Variants in RSPO2 observed in about 807,000 individuals in gnomAD.
The protein encoded by RSPO2 is R-spondin-2.
In RSPO2, 14 loss-of-function variants were observed where a neutral mutation model predicts 30.9. The ratio of observed to expected loss-of-function variants is 0.45; its 90% CI spans 0.30 to 0.71. The LOEUF (loss-of-function observed/expected upper bound fraction) is 0.71, where lower values mean the gene tolerates loss of function less well. Among genes scored for constraint, RSPO2 ranks in the 30% least tolerant of loss-of-function variants. The probability of loss-of-function intolerance (pLI) is 0.08; values close to 1 mark genes in which losing one functional copy is unlikely to be tolerated. For synonymous variants in RSPO2, 107 were observed against 96.4 expected (o/e 1.11, Z -0.64); for missense variants, 264 against 301.9 (o/e 0.87, Z 0.93).
chr8:108,048,879 C>T (rs1307638546), intron 2 of RSPO2, among the ~76,000 whole-genome samples: 5 of 152,092 alleles, frequency 3.3e-5, no homozygotes, highest in Admixed American at 6.6e-5. Context: ...TCTTTGTTCC[C>T]ATTGGTTTCA....
intron 2 of RSPO2, among the ~76,000 whole-genome samples, chr8:108,017,080 G>T (rs1422105685): frequency 6.6e-6 from 1 of 150,632 alleles, no homozygotes; most frequent in Non-Finnish European, 1.5e-5. Flanking sequence ...GCAGTGGCGC[G>T]ATCTCGGCTC....
At chr8:108,069,631 T>C (rs989878000) in intron 2 of RSPO2, among the ~76,000 whole-genome samples, 1 of 152,208 alleles carries the variant, frequency 6.6e-6, no homozygotes, top group Admixed American at 6.5e-5. Context: ...ACATCCTAAA[T>C]GTCCTGTTCA....
chr8:107,957,495 C>A (rs1373965004), intron 5 of RSPO2, among the ~76,000 whole-genome samples: 1 of 152,170 alleles, frequency 6.6e-6, no homozygotes, highest in East Asian at 1.9e-4. Context: ...CAAATCAGCA[C>A]AATTACTACA....
chr8:107,918,117 C>G (rs1479973175), intron 5 of RSPO2, among the ~76,000 whole-genome samples: 1 of 152,072 alleles, frequency 6.6e-6, no homozygotes, highest in Admixed American at 6.6e-5. Context: ...GACAAGTAAT[C>G]TTTTTTAAAA....
intron 2 of RSPO2, among the ~76,000 whole-genome samples, chr8:108,045,869 A>C (rs554625487): frequency 6.6e-6 from 1 of 152,292 alleles, no homozygotes; most frequent in Non-Finnish European, 1.5e-5. Flanking sequence ...ATATATCTCC[A>C]ACCACCTATA....
At chr8:107,988,053 GA>G (rs1185960129) in intron 3 of RSPO2, among the ~76,000 whole-genome samples, 1 of 151,914 alleles carries the variant, frequency 6.6e-6, no homozygotes, top group Non-Finnish European at 1.5e-5. Context: ...GTTCCTTAAA[GA>G]AAGGGATGTT....
chr8:107,961,981 AAGGAG>A (rs923810951), intron 3 of RSPO2, among the ~76,000 whole-genome samples: 7 of 152,220 alleles, frequency 4.6e-5, no homozygotes, highest in Non-Finnish European at 2.9e-5. Flanking sequence ...AAGGAAAGTA[AAGGAG>A]AGAAGTTCGC....
chr8:107,990,406 C>G (rs1814808326), intron 2 of RSPO2, among the ~76,000 whole-genome samples: 1 of 152,068 alleles, frequency 6.6e-6, no homozygotes, highest in African/African-American at 2.4e-5. Flanking sequence ...TCCTACACAC[C>G]AACAGCAGTC....
At chr8:108,035,213 T>TA (rs1811552975) in intron 2 of RSPO2, among the ~76,000 whole-genome samples, 1 of 152,226 alleles carries the variant, frequency 6.6e-6, no homozygotes, top group Non-Finnish European at 1.5e-5. Flanking sequence ...TTTGAATTAC[T>TA]GTCTCTTAAA....
chr8:108,010,672 G>A (rs1810675624), intron 2 of RSPO2, among the ~76,000 whole-genome samples: 2 of 152,104 alleles, frequency 1.3e-5, no homozygotes, highest in South Asian at 4.1e-4. Context: ...ATGCAGAAGA[G>A]TGAAGATCAG....
intron 2 of RSPO2, among the ~76,000 whole-genome samples, chr8:108,023,282 G>A (rs1206995674): frequency 6.6e-6 from 1 of 152,060 alleles, no homozygotes; most frequent in African/African-American, 2.4e-5. Context: ...TCCACATTGA[G>A]AAAAATGTCC....
At chr8:108,031,191 T>G (rs77539339) in intron 2 of RSPO2, among the ~76,000 whole-genome samples, 9,060 of 152,280 alleles carry the variant, frequency 0.059, 780 homozygotes, top group African/African-American at 0.19. Context: ...TGTTATAGGC[T>G]TGAACCTACC....
chr8:107,901,222 A>C (rs1162710308), intron 5 of RSPO2, 32 bp from the exon 6 acceptor site: 12 of 1,585,084 alleles, frequency 7.6e-6, no homozygotes, highest in African/African-American at 5.4e-5. Context: ...AAGAGATGTC[A>C]GAAATGGCTC....
chr8:107,911,843 T>C (rs1219912503), intron 5 of RSPO2, among the ~76,000 whole-genome samples: 1 of 152,132 alleles, frequency 6.6e-6, no homozygotes. Flanking sequence ...ATGCCTTTGA[T>C]CTCGTAATCA....
chr8:108,042,307 G>A (rs1161452655), intron 2 of RSPO2, among the ~76,000 whole-genome samples: 2 of 152,118 alleles, frequency 1.3e-5, no homozygotes, highest in African/African-American at 4.8e-5. Context: ...TAACGTGGGG[G>A]AAGACAGCAT....
chr8:108,039,211 C>T (rs1811684181), intron 2 of RSPO2, among the ~76,000 whole-genome samples: 1 of 152,160 alleles, frequency 6.6e-6, no homozygotes, highest in Non-Finnish European at 1.5e-5. Context: ...TACCACAACA[C>T]TTTAATAATC....
chr8:107,995,744 C>A (rs1252886364), intron 2 of RSPO2, among the ~76,000 whole-genome samples: 1 of 151,976 alleles, frequency 6.6e-6, no homozygotes, highest in Non-Finnish European at 1.5e-5. Context: ...TGATTCTGAC[C>A]CTCACCTTTG....
In RSPO2 at chr8:107,899,969, C is replaced by T. The variant is rs1266055347; in HGVS notation, c.*1106G>A. On this transcript the variant is annotated 3_prime_UTR_variant, in exon 6 of 6. Transcript: ENST00000276659. Reference sequence around the variant, plus strand: ...TCATGGTAGTAGCTTCTTCAGTGACCCAAGAACATTGGTAGGTGCCTTGTC... The same window carrying T: ...TCATGGTAGTAGCTTCTTCAGTGACTCAAGAACATTGGTAGGTGCCTTGTC... 1 of 152,102 alleles carries T rather than the reference C, an allele frequency of 6.6e-6. No individual in the cohort carries two copies. The highest frequency in any genetic ancestry group is 2.4e-5 in the African/African-American group (1 of 41,418). The allele number at this position is 152,102 out of a possible 1,614,324, so 9.4% of individuals were successfully genotyped here.
At position 107,960,772 on chromosome 8, in the gene RSPO2, CAA is replaced by C; in HGVS notation, c.327_328del (p.Phe109LeufsTer12). On this transcript the variant is annotated frameshift_variant, in exon 4 of 6. Coordinates refer to ENST00000276659, the MANE Select transcript of RSPO2 (RefSeq NM_178565.5). LOFTEE classifies it high-confidence loss of function. Reference sequence around the variant, plus strand: ...ATAAAAGCCTACTTTGCACTTGGTACAAAAGTCTTTGCTAAAGCAAGAATCAC... The same window carrying C: ...ATAAAAGCCTACTTTGCACTTGGTACAAGTCTTTGCTAAAGCAAGAATCAC... The C allele has an allele frequency of 6.2e-7, 1 of 1,611,336 alleles. No homozygotes were observed. The highest frequency in any genetic ancestry group is 8.5e-7 in the Non-Finnish European group (1 of 1,179,042).
Sources: allele counts gnomAD v4.1 joint callset (sites outside exome capture counted in the v4.1 genomes callset), GRCh38; gene constraint gnomAD v4.1.1; transcripts MANE v1.5; gene names NCBI Gene and HGNC (gene_info 2026-07-23, HGNC 2026-07-21).